The following MCCC1 variants were observed in gnomAD, a reference collection of about 807,000 sequenced individuals.
The protein encoded by MCCC1 is methylcrotonoyl-CoA carboxylase subunit alpha, mitochondrial.
MCCC1 carries 64 observed loss-of-function variants against 83.8 expected under a neutral mutation model. The ratio of observed to expected loss-of-function variants is 0.76; its 90% CI spans 0.62 to 0.94. The LOEUF is 0.94. MCCC1 is among the 40% of genes least tolerant of loss of function. MCCC1 has a pLI of 0.00. For synonymous variants in MCCC1, 322 were observed against 315.4 expected (o/e 1.02, Z -0.22); for missense variants, 807 against 904.7 (o/e 0.89, Z 1.39).
intron 13 of MCCC1, among the ~76,000 whole-genome samples, chr3:183,035,220 C>T (rs1406236614): frequency 6.6e-6 from 1 of 152,172 alleles, no homozygotes; most frequent in Non-Finnish European, 1.5e-5. Context: ...AGACAACGTT[C>T]CATTCTAAAA....
chr3:183,060,468 C>T (rs1336703545), intron 7 of MCCC1, among the ~76,000 whole-genome samples: 3 of 152,130 alleles, frequency 2.0e-5, no homozygotes, highest in Non-Finnish European at 2.9e-5. Flanking sequence ...ACAGAACAAA[C>T]GTGAGAAGAA....
intron 9 of MCCC1, among the ~76,000 whole-genome samples, chr3:183,050,435 G>T (rs544857525): frequency 2.0e-5 from 3 of 152,094 alleles, no homozygotes; most frequent in African/African-American, 7.2e-5. Flanking sequence ...GGGCGCGGTG[G>T]CTCAAGCCTG....
intron 1 of MCCC1, among the ~76,000 whole-genome samples, chr3:183,096,573 T>C (rs539851002): frequency 2.0e-5 from 3 of 152,178 alleles, no homozygotes; most frequent in Non-Finnish European, 4.4e-5. Flanking sequence ...GCAGGACTAG[T>C]ATTTCACTGG....
At chr3:183,031,119 C>T (rs1713032858) in intron 14 of MCCC1, among the ~76,000 whole-genome samples, 1 of 152,196 alleles carries the variant, frequency 6.6e-6, no homozygotes, top group Non-Finnish European at 1.5e-5. Flanking sequence ...AGTGTGGGTT[C>T]AAACCCTGAC....
intron 4 of MCCC1, among the ~76,000 whole-genome samples, chr3:183,085,698 G>A (rs960813158): frequency 6.7e-6 from 1 of 149,514 alleles, no homozygotes; most frequent in Non-Finnish European, 1.5e-5. Context: ...CTGCTCCATC[G>A]TCTCCTACCA....
At chr3:183,037,480 A>G (rs772398090) in intron 12 of MCCC1, 46 bp from the exon 13 acceptor site, 5 of 1,453,888 alleles carry the variant, frequency 3.4e-6, no homozygotes, top group Admixed American at 1.7e-5. Flanking sequence ...GGGGAAAACA[A>G]TATGTTCAGA....
At chr3:183,037,488 A>C in intron 12 of MCCC1, 54 bp from the exon 13 acceptor site, 1 of 1,406,616 alleles carries the variant, frequency 7.1e-7, no homozygotes, top group Non-Finnish European at 1.0e-6. Context: ...CAATATGTTC[A>C]GAAAACCATC....
At chr3:183,040,252 T>C (rs4859267) in intron 11 of MCCC1, among the ~76,000 whole-genome samples, 76,365 of 151,904 alleles carry the variant, frequency 0.5, 23,957 homozygotes, top group Non-Finnish European at 0.71. Context: ...TTTAAGAAGA[T>C]CTAAATCCTC....
At chr3:183,015,792 G>C (rs1217148172) in intron 18 of MCCC1, among the ~76,000 whole-genome samples, 1 of 152,126 alleles carries the variant, frequency 6.6e-6, no homozygotes, top group African/African-American at 2.4e-5. Flanking sequence ...CTGGGACACA[G>C]CAGTAACCTT....
intron 9 of MCCC1, among the ~76,000 whole-genome samples, chr3:183,049,570 C>CA (rs757859179): frequency 0.016 from 1,187 of 72,986 alleles, 10 homozygotes; most frequent in African/African-American, 0.051. Flanking sequence ...GACTTTGTTT[C>CA]AAAAAAAAAA....
chr3:183,021,380 T>G (rs747759535), intron 16 of MCCC1, among the ~76,000 whole-genome samples: 3 of 152,134 alleles, frequency 2.0e-5, no homozygotes, highest in Non-Finnish European at 4.4e-5. Context: ...CACACCACCA[T>G]GCCTGGCTAA....
intron 13 of MCCC1, among the ~76,000 whole-genome samples, chr3:183,035,621 T>C (rs1713510194): frequency 6.6e-6 from 1 of 152,040 alleles, no homozygotes; most frequent in Admixed American, 6.6e-5. Flanking sequence ...TTGAGCATCA[T>C]GTTAGTGCTG....
intron 15 of MCCC1, 57 bp downstream of exon 15, chr3:183,025,698 A>T: frequency 7.1e-7 from 1 of 1,404,218 alleles, no homozygotes; most frequent in South Asian, 1.2e-5. Flanking sequence ...GACCCTATTC[A>T]GTATAAAAGC....
chr3:183,046,449 G>T (rs547282879), intron 9 of MCCC1, among the ~76,000 whole-genome samples: 3 of 151,776 alleles, frequency 2.0e-5, no homozygotes, highest in African/African-American at 7.3e-5. Context: ...CCAGGCTGGG[G>T]TGCAATGGCG....
At chr3:183,087,564 A>G (rs184980854) in intron 3 of MCCC1, among the ~76,000 whole-genome samples, 1 of 152,268 alleles carries the variant, frequency 6.6e-6, no homozygotes, top group Non-Finnish European at 1.5e-5. Flanking sequence ...AAGGGAAGTC[A>G]GGGGAGGCTC....
intron 15 of MCCC1, among the ~76,000 whole-genome samples, chr3:183,025,210 G>T (rs1213720442): frequency 3.3e-5 from 5 of 152,178 alleles, no homozygotes; most frequent in African/African-American, 4.8e-5. Flanking sequence ...CAAGAAGAAA[G>T]AAGTTCTGGA....
chr3:183,084,308 A>G (rs948670667), intron 4 of MCCC1, among the ~76,000 whole-genome samples: 5 of 152,240 alleles, frequency 3.3e-5, no homozygotes, highest in African/African-American at 1.2e-4. Context: ...CCTTCTGTGC[A>G]TTAGATGTTA....
intron 1 of MCCC1, among the ~76,000 whole-genome samples, chr3:183,105,153 T>C (rs1478085759): frequency 6.6e-6 from 1 of 152,176 alleles, no homozygotes; most frequent in Non-Finnish European, 1.5e-5. Flanking sequence ...GAGACTATCC[T>C]GACCAACATG....
At chr3:183,052,590 C>G (rs1424132287) in intron 8 of MCCC1, among the ~76,000 whole-genome samples, 1 of 152,084 alleles carries the variant, frequency 6.6e-6, no homozygotes, top group Non-Finnish European at 1.5e-5. Flanking sequence ...GGGCGGATCA[C>G]AAGGTCAGGA....
Sources: allele counts gnomAD v4.1 joint callset (sites outside exome capture counted in the v4.1 genomes callset), GRCh38; gene constraint gnomAD v4.1.1; transcripts MANE v1.5; gene names NCBI Gene and HGNC (gene_info 2026-07-23, HGNC 2026-07-21).